TSPAN5: variants seen among roughly 807,000 people sequenced by gnomAD.
The protein encoded by TSPAN5 is tetraspanin 5, also known as tetraspanin-5.
TSPAN5 carries 10 observed loss-of-function variants against 37.1 expected under a neutral mutation model. The observed-to-expected ratio is 0.27, with a 90% CI of 0.17 to 0.46. TSPAN5 has a LOEUF of 0.46. Among genes scored for constraint, TSPAN5 ranks in the 20% least tolerant of loss-of-function variants. The pLI, the probability that TSPAN5 is intolerant of heterozygous loss-of-function variation, is 1.00. For synonymous variants in TSPAN5, 110 were observed against 118.9 expected (o/e 0.93, Z 0.48); for missense variants, 195 against 326.6 (o/e 0.60, Z 3.11).
rs148310624 is a variant in TSPAN5 at position 98,635,885 on chromosome 4, C to T, written c.81+22261G>A. Among the ~76,000 whole-genome samples the T allele has an allele frequency of 3.5e-3, 539 of 152,260 alleles. 5 individuals are homozygous for T. Among genetic ancestry groups the T allele is most frequent in the African/African-American group, 0.012 (501 of 41,556 alleles). ...AAGAGCTATAAGGAATATATAAAGA[C>T]TGAACTGCTAAATAGGGTCTCCCTA... On this transcript the variant is annotated intron_variant, in intron 1 of 7. Transcript: ENST00000305798.
rs140631845 is a variant in TSPAN5, at chr4:98,602,899, A to G, written c.81+55247T>C. Among the ~76,000 whole-genome samples, 156 of 152,332 alleles carry G rather than the reference A, an allele frequency of 1.0e-3. 2 individuals carry two copies. In the East Asian group the frequency reaches 0.027, roughly 27 times the overall value. On this transcript the variant is annotated intron_variant, in intron 1 of 7. Transcript: ENST00000305798. ...CAGCAATGCAATAAAGTGAAGTGAAATAATACCAGGTATAATAGCAATGAA... is the reference window on the plus strand; with the variant it reads ...CAGCAATGCAATAAAGTGAAGTGAAGTAATACCAGGTATAATAGCAATGAA...
chr4:98,479,546 G>A (rs779824785), intron 4 of TSPAN5, among the ~76,000 whole-genome samples: 4 of 152,186 alleles, frequency 2.6e-5, no homozygotes, highest in Non-Finnish European at 2.9e-5. Context: ...AATAGAATGC[G>A]ACCTTTGTGG....
chr4:98,630,897 C>T (rs1431358316), intron 1 of TSPAN5, among the ~76,000 whole-genome samples: 2 of 152,180 alleles, frequency 1.3e-5, no homozygotes, highest in Non-Finnish European at 2.9e-5. Context: ...CTGGGAAGTA[C>T]AAACGAAGGG....
chr4:98,591,910 G>T (rs1755643167), intron 1 of TSPAN5, among the ~76,000 whole-genome samples: 1 of 151,352 alleles, frequency 6.6e-6, no homozygotes, highest in Non-Finnish European at 1.5e-5. Context: ...ATAGCCAAAA[G>T]AATTTTTAAA....
chr4:98,565,905 T>TG (rs1439660725), intron 1 of TSPAN5, among the ~76,000 whole-genome samples: 1 of 152,234 alleles, frequency 6.6e-6, no homozygotes, highest in Non-Finnish European at 1.5e-5. Context: ...AGCCATGTTA[T>TG]GCCAAAGCCT....
chr4:98,591,978 G>C (rs1755645201), intron 1 of TSPAN5, among the ~76,000 whole-genome samples: 1 of 151,540 alleles, frequency 6.6e-6, no homozygotes, highest in Non-Finnish European at 1.5e-5. Flanking sequence ...TAATGCTACA[G>C]TAATCAAGAC....
intron 1 of TSPAN5, among the ~76,000 whole-genome samples, chr4:98,631,668 T>C (rs553577877): frequency 2.0e-5 from 3 of 152,174 alleles, no homozygotes; most frequent in Non-Finnish European, 4.4e-5. Flanking sequence ...CCTCAGGCTA[T>C]AGGATCTGAT....
At chr4:98,554,458 A>G (rs962924155) in intron 1 of TSPAN5, among the ~76,000 whole-genome samples, 5 of 152,340 alleles carry the variant, frequency 3.3e-5, no homozygotes, top group African/African-American at 9.6e-5. Flanking sequence ...CACATTACAA[A>G]TCCATAATCT....
intron 1 of TSPAN5, among the ~76,000 whole-genome samples, chr4:98,569,457 C>T (rs894821633): frequency 1.3e-5 from 2 of 152,292 alleles, no homozygotes; most frequent in South Asian, 2.1e-4. Context: ...TGACCATCTG[C>T]AGGGACGTCC....
At chr4:98,576,018 G>A (rs571241373) in intron 1 of TSPAN5, among the ~76,000 whole-genome samples, 10 of 152,218 alleles carry the variant, frequency 6.6e-5, no homozygotes, top group African/African-American at 2.4e-4. Flanking sequence ...GCAGTAAGCT[G>A]AGATGGCACC....
At chr4:98,602,403 T>A (rs1419901368) in intron 1 of TSPAN5, among the ~76,000 whole-genome samples, 1 of 152,258 alleles carries the variant, frequency 6.6e-6, no homozygotes, top group African/African-American at 2.4e-5. Flanking sequence ...ATTGGTCTGA[T>A]AAGGAGGAAG....
At chr4:98,600,723 GA>G (rs1755864559) in intron 1 of TSPAN5, among the ~76,000 whole-genome samples, 1 of 152,054 alleles carries the variant, frequency 6.6e-6, no homozygotes, top group Non-Finnish European at 1.5e-5. Context: ...ATGAGGGTTG[GA>G]ATCAACTTCT....
chr4:98,478,771 G>A lies in TSPAN5; in HGVS notation c.490C>T (p.Leu164=), dbSNP rs368530354. ...TCTGTGCAATTGAAGTAAATATTTA[G>A]GTTCCAATCATCAGCTCCAAAAGCC... ...CGAFGADDWN[L]NIYFNCTDSN... The change falls in exon 5 of 8, where the codon CTA becomes TTA. Residue 164 remains leucine (L), a synonymous_variant. Coordinates refer to ENST00000305798, the MANE Select transcript of TSPAN5 (RefSeq NM_005723.4). The A allele has an allele frequency of 1.2e-4, 199 of 1,614,006 alleles. No individual in the cohort carries two copies. The highest frequency in any genetic ancestry group is 9.9e-4 in the Middle Eastern group (6 of 6,062).
chr4:98,564,192 A>G (rs935426257), intron 1 of TSPAN5, among the ~76,000 whole-genome samples: 10 of 152,214 alleles, frequency 6.6e-5, no homozygotes, highest in Admixed American at 2.0e-4. Flanking sequence ...ATGAAAGCCA[A>G]TAACAGGCAT....
intron 3 of TSPAN5, among the ~76,000 whole-genome samples, chr4:98,486,084 T>G (rs1752952015): frequency 6.6e-6 from 1 of 152,214 alleles, no homozygotes. Context: ...TTTCTTCTCC[T>G]TTGAAACGAG....
rs956662390 is a variant in TSPAN5, at chr4:98,472,256, T to C, written c.*266A>G. ...GGTCCCCTACCCTCCCTTTTTTTCT[T>C]TTTTGGTAAGCATCTAACTGTCCAT... is the stretch of plus-strand genomic sequence containing the variant. On this transcript the variant is annotated 3_prime_UTR_variant, in exon 8 of 8. Transcript: ENST00000305798. The C allele has an allele frequency of 3.1e-5, 11 of 351,410 alleles. No homozygotes were observed. Among genetic ancestry groups the C allele is most frequent in the Non-Finnish European group, 5.1e-5 (10 of 196,064 alleles). The allele number at this position is 351,410 out of a possible 1,614,324, so 21.8% of individuals were successfully genotyped here.
At chr4:98,536,024 C>A (rs1300989866) in intron 1 of TSPAN5, among the ~76,000 whole-genome samples, 4 of 152,170 alleles carry the variant, frequency 2.6e-5, no homozygotes, top group Non-Finnish European at 5.9e-5. Flanking sequence ...CTGAAGCCTA[C>A]TTCTGTCAAT....
At chr4:98,576,268 T>G (rs922130029) in intron 1 of TSPAN5, among the ~76,000 whole-genome samples, 18 of 152,204 alleles carry the variant, frequency 1.2e-4, no homozygotes, top group Non-Finnish European at 2.4e-4. Context: ...AATGTTTCAA[T>G]TAACTCAAAA....
At chr4:98,645,752 C>G (rs1454717409) in intron 1 of TSPAN5, among the ~76,000 whole-genome samples, 3 of 152,144 alleles carry the variant, frequency 2.0e-5, no homozygotes, top group African/African-American at 7.2e-5. Context: ...GGAGTCACAA[C>G]CCATCTGAGG....
Sources: gnomAD v4.1 joint callset for allele counts (sites outside exome capture counted in the v4.1 genomes callset) on GRCh38, gnomAD v4.1.1 for gene constraint, MANE v1.5 for transcripts, NCBI Gene and HGNC (gene_info 2026-07-23, HGNC 2026-07-21) for gene names.